Variants in ZMYM2 observed in about 807,000 individuals in gnomAD.
ZMYM2 encodes the protein zinc finger MYM-type containing 2, also known as zinc finger MYM-type protein 2.
In ZMYM2, 56 loss-of-function variants were observed where a neutral mutation model predicts 162.8. The observed-to-expected ratio is 0.34, with a 90% CI of 0.28 to 0.43. The LOEUF is 0.43. Among genes scored for constraint, ZMYM2 ranks in the 20% least tolerant of loss-of-function variants. The probability of loss-of-function intolerance (pLI) is 1.00; values close to 1 mark genes in which losing one functional copy is unlikely to be tolerated. For synonymous variants in ZMYM2, 510 were observed against 541.6 expected (o/e 0.94, Z 0.81); for missense variants, 1,275 against 1,621.8 (o/e 0.79, Z 3.67).
At chr13:20,064,760 TTAC>T (rs1284264291) in intron 19 of ZMYM2, among the ~76,000 whole-genome samples, 1 of 151,584 alleles carries the variant, frequency 6.6e-6, no homozygotes. Flanking sequence ...ATAGTAATTA[TTAC>T]TATTTCTAGT....
chr13:20,060,544 G>A (rs997957655), intron 16 of ZMYM2, among the ~76,000 whole-genome samples: 3 of 152,182 alleles, frequency 2.0e-5, no homozygotes, highest in Non-Finnish European at 4.4e-5. Flanking sequence ...TGGGCATGGT[G>A]GCACATGCCT....
At chr13:20,039,259 T>G (rs1313915075) in intron 12 of ZMYM2, among the ~76,000 whole-genome samples, 1 of 152,040 alleles carries the variant, frequency 6.6e-6, no homozygotes, top group Non-Finnish European at 1.5e-5. Context: ...TGGATGCCCT[T>G]TATTTCTTTC....
the ZMYM2 span, among the ~76,000 whole-genome samples, chr13:19,937,499 T>C: frequency 1.5e-4 from 22 of 149,032 alleles, no homozygotes; most frequent in African/African-American, 5.2e-4. Flanking sequence ...AGTCTCGTTA[T>C]GTCGCTCAAG....
In ZMYM2 at chr13:20,048,505, T is replaced by TA. The variant is rs1955024549; in HGVS notation, c.2293-2924dup. On this transcript the variant is annotated intron_variant, in intron 12 of 24. Coordinates refer to ENST00000610343, the MANE Select transcript of ZMYM2 (RefSeq NM_197968.4). The stretch of plus-strand genomic sequence containing the variant: ...TGAGAAGTCATAAAGGATTTCTGCT[T>TA]AAAATGTCTGTAAAATACCCCTATC... Among the ~76,000 whole-genome samples the TA allele has an allele frequency of 3.9e-5, 6 of 152,112 alleles. No individual in the cohort carries two copies. In the South Asian group the frequency reaches 1.2e-3, roughly 32 times the overall value.
the ZMYM2 span, among the ~76,000 whole-genome samples, chr13:19,905,006 ATT>A: frequency 8.5e-4 from 111 of 129,844 alleles, no homozygotes; most frequent in African/African-American, 2.6e-3. Flanking sequence ...CTTGCTTTCA[ATT>A]TTTTTTTTTT....
intron 2 of ZMYM2, among the ~76,000 whole-genome samples, chr13:19,967,437 GTCATACAGATTCAGGCTTAAA>G (rs778307673): frequency 1.3e-4 from 20 of 152,168 alleles, no homozygotes; most frequent in Non-Finnish European, 2.1e-4. Context: ...ATGAGTTGGA[GTCATACAGATTCAGGCTTAAA>G]TCTGCCCTGC....
At chr13:19,906,544 T>TTG in the ZMYM2 span, among the ~76,000 whole-genome samples, 1 of 150,256 alleles carries the variant, frequency 6.7e-6, no homozygotes, top group African/African-American at 2.4e-5. Flanking sequence ...ATATATTTTT[T>TTG]TTGTTTTCTT....
chr13:19,881,603 C>G, the ZMYM2 span, among the ~76,000 whole-genome samples: 893 of 151,158 alleles, frequency 5.9e-3, 12 homozygotes, highest in African/African-American at 0.021. Flanking sequence ...GCCTGGGCAA[C>G]AGAGTGAGAC....
At chr13:20,005,893 TGC>T (rs1346065036) in intron 5 of ZMYM2, among the ~76,000 whole-genome samples, 1 of 152,162 alleles carries the variant, frequency 6.6e-6, no homozygotes, top group East Asian at 1.9e-4. Context: ...CTTTTTTCAG[TGC>T]CATACATGTG....
At chr13:19,912,818 C>T in the ZMYM2 span, among the ~76,000 whole-genome samples, 3 of 152,158 alleles carry the variant, frequency 2.0e-5, no homozygotes, top group African/African-American at 7.2e-5. Flanking sequence ...GCTTCTATCT[C>T]AGTGTAATTT....
At chr13:19,910,529 TC>T in the ZMYM2 span, among the ~76,000 whole-genome samples, 1 of 145,566 alleles carries the variant, frequency 6.9e-6, no homozygotes, top group African/African-American at 2.5e-5. Flanking sequence ...TCTTTCTCTC[TC>T]TCTCTTTTTT....
intron 3 of ZMYM2, among the ~76,000 whole-genome samples, chr13:19,995,885 G>A (rs1010134042): frequency 1.3e-5 from 2 of 152,116 alleles, no homozygotes; most frequent in African/African-American, 4.8e-5. Flanking sequence ...CAGCTACTTG[G>A]GGGGCTGAGG....
At chr13:19,983,891 G>C (rs1431828596) in intron 2 of ZMYM2, among the ~76,000 whole-genome samples, 1 of 152,126 alleles carries the variant, frequency 6.6e-6, no homozygotes, top group East Asian at 1.9e-4. Context: ...GCCTCCTAAA[G>C]TGCTGGGATT....
the ZMYM2 span, among the ~76,000 whole-genome samples, chr13:19,928,419 C>G: frequency 6.6e-6 from 1 of 152,058 alleles, no homozygotes; most frequent in Non-Finnish European, 1.5e-5. Context: ...AGTCTTTTCG[C>G]TAAGTGCAAT....
At chr13:19,927,651 A>G in the ZMYM2 span, among the ~76,000 whole-genome samples, 3 of 152,122 alleles carry the variant, frequency 2.0e-5, no homozygotes, top group African/African-American at 7.2e-5. Context: ...TGTGTTTCTC[A>G]AGTTTGTATT....
At chr13:19,963,951 T>C (rs1457151023) in intron 2 of ZMYM2, among the ~76,000 whole-genome samples, 1 of 152,212 alleles carries the variant, frequency 6.6e-6, no homozygotes, top group African/African-American at 2.4e-5. Context: ...CATTGAAAAT[T>C]AGAAGTAATA....
chr13:19,959,580 T>A (rs1954949854), intron 1 of ZMYM2, among the ~76,000 whole-genome samples: 1 of 152,134 alleles, frequency 6.6e-6, no homozygotes. Context: ...AGCCGCCCCT[T>A]ACCTCTGAAT....
the ZMYM2 span, among the ~76,000 whole-genome samples, chr13:19,901,656 T>C: frequency 6.6e-6 from 1 of 152,158 alleles, no homozygotes; most frequent in African/African-American, 2.4e-5. Context: ...TTTGTATTTT[T>C]AGTAGAGACG....
chr13:19,892,708 T>A, the ZMYM2 span, among the ~76,000 whole-genome samples: 26 of 151,826 alleles, frequency 1.7e-4, no homozygotes, highest in Admixed American at 1.7e-3. Flanking sequence ...AACATAAAAA[T>A]TTTTTATTTT....
Sources: allele counts gnomAD v4.1 joint callset (sites outside exome capture counted in the v4.1 genomes callset), GRCh38; gene constraint gnomAD v4.1.1; transcripts MANE v1.5; gene names NCBI Gene and HGNC (gene_info 2026-07-23, HGNC 2026-07-21).